POGLUT3: variants seen among roughly 807,000 people sequenced by gnomAD.
POGLUT3 encodes the protein protein O-glucosyltransferase 3.
In POGLUT3, 48 loss-of-function variants were observed where a neutral mutation model predicts 54.3. The observed-to-expected ratio is 0.88, with a 90% CI of 0.70 to 1.12. The LOEUF is 1.12. Among genes scored for constraint, POGLUT3 ranks in the 50% most tolerant of loss-of-function variants. The pLI is 0.00. For missense variants in POGLUT3, 629 were observed against 618.7 expected (o/e 1.02, Z -0.18); for synonymous variants, 218 against 237.4 (o/e 0.92, Z 0.75).
In POGLUT3 at chr11:108,491,185, A is replaced by G; in HGVS notation, c.203-18T>C. 6.4e-7 allele frequency: 1 copy of G among 1,563,552 alleles called. No individual in the cohort carries two copies. Among genetic ancestry groups the G allele is most frequent in the Non-Finnish European group, 8.8e-7 (1 of 1,134,954 alleles). On this transcript the variant is annotated intron_variant, in intron 1 of 7. Coordinates refer to ENST00000323468, the MANE Select transcript of POGLUT3 (RefSeq NM_153705.5). The stretch of plus-strand genomic sequence containing the variant: ...TGTTTCACCTAAAAGGAAAAGAAAT[A>G]TAAACAACTCTACCATGTCATGATA...
chr11:108,491,401 T>G lies in POGLUT3; in HGVS notation c.203-234A>C, dbSNP rs1273384572. ...ACAGGGTCTTGCTCTGTCATCCAGC[T>G]AGGAGTGCAGAGGCAGAATCCTAGC... On this transcript the variant is annotated intron_variant, in intron 1 of 7. Coordinates refer to ENST00000323468, the MANE Select transcript of POGLUT3 (RefSeq NM_153705.5). 3 of 591,574 alleles carry G rather than the reference T, an allele frequency of 5.1e-6. No individual in the cohort carries two copies. In the African/African-American group the frequency reaches 5.6e-5, roughly 11 times the overall value. The allele number at this position is 591,574 out of a possible 1,614,324, so 36.6% of individuals were successfully genotyped here.
chr11:108,490,144 G>A (rs975243617), intron 2 of POGLUT3, among the ~76,000 whole-genome samples: 2 of 152,166 alleles, frequency 1.3e-5, no homozygotes, highest in African/African-American at 4.8e-5. Context: ...CTCCCAAAGT[G>A]CTGGGATTAT....
At chr11:108,495,474 G>A (rs931062577) in intron 1 of POGLUT3, among the ~76,000 whole-genome samples, 5 of 152,178 alleles carry the variant, frequency 3.3e-5, no homozygotes, top group Admixed American at 2.6e-4. Context: ...CTATTCAGTT[G>A]GTTCTTGAAG....
chr11:108,478,170 A>G (rs2093585716), intron 6 of POGLUT3: 1 of 152,332 alleles, frequency 6.6e-6, no homozygotes, highest in Non-Finnish European at 1.5e-5. Flanking sequence ...ATAAATAAAT[A>G]AATAAACTAA....
intron 1 of POGLUT3, among the ~76,000 whole-genome samples, chr11:108,495,902 G>A (rs777976340): frequency 9.2e-5 from 14 of 152,044 alleles, no homozygotes; most frequent in Admixed American, 1.3e-4. Flanking sequence ...CAGATCACAG[G>A]GGTAAACCAT....
rs1823330721 is a variant in POGLUT3, at chr11:108,491,031, G to A, written c.339C>T (p.Gly113=). Residue 113 remains glycine (G), a synonymous_variant, in exon 2 of 8, where the codon GGC becomes GGT. Transcript: ENST00000323468. ...RYRMYETVDE[G]LKIEVLYGDE... is the part of the protein sequence containing the mutation. Reference sequence around the variant, plus strand: ...CACCATAAAGGACCTCTATCTTCAGGCCTTCATCGACAGTTTCATACATCC... The same window carrying A: ...CACCATAAAGGACCTCTATCTTCAGACCTTCATCGACAGTTTCATACATCC... 1.2e-6 allele frequency: 2 copies of A among 1,613,794 alleles called. No individual in the cohort carries two copies. Among genetic ancestry groups the A allele is most frequent in the East Asian group, 2.2e-5 (1 of 44,870 alleles).
At chr11:108,480,485 A>C (rs548852128) in intron 5 of POGLUT3, among the ~76,000 whole-genome samples, 33 of 152,354 alleles carry the variant, frequency 2.2e-4, no homozygotes, top group Non-Finnish European at 2.8e-4. Flanking sequence ...TGGTATTCAG[A>C]GAAATGTATA....
Position 108,486,295 on chromosome 11 carries a change from G to A in POGLUT3, c.546C>T (p.Val182=). 1.9e-6 allele frequency: 3 copies of A among 1,614,108 alleles called. No homozygotes were observed. The highest frequency in any genetic ancestry group is 1.6e-4 in the Middle Eastern group (1 of 6,062). Residue 182 remains valine, a synonymous_variant, in exon 3 of 8, where the codon GTC becomes GTT. Transcript: ENST00000323468. The part of the protein sequence containing the change: ...SINLQQMLKE[V]PKRFGDERGA... Reference sequence around the variant, plus strand: ...CTCTCTCATCCCCAAACCTTTTGGGGACTTCTTTTAGCATTTGCTGGAGAT... The same window carrying A: ...CTCTCTCATCCCCAAACCTTTTGGGAACTTCTTTTAGCATTTGCTGGAGAT...
chr11:108,486,137 CA>C lies in POGLUT3; in HGVS notation c.684+19del. 1 of 1,538,802 alleles carries C rather than the reference CA, an allele frequency of 6.5e-7. No individual in the cohort carries two copies. ...TACCTAAATAATTAAACTGTATTAT[CA>C]ATTCATTCATTCTCCTACCTTTCTT... On this transcript the variant is annotated intron_variant, in intron 3 of 7. Transcript: ENST00000323468.
intron 7 of POGLUT3, among the ~76,000 whole-genome samples, chr11:108,475,218 C>T (rs2093578349): frequency 6.6e-6 from 1 of 152,140 alleles, no homozygotes; most frequent in African/African-American, 2.4e-5. Flanking sequence ...GGATGCCAAG[C>T]CAGACGTCCC....
rs1043640132 is a variant in POGLUT3, at chr11:108,494,072, C to A, written c.203-2905G>T. On this transcript the variant is annotated intron_variant, in intron 1 of 7. Coordinates refer to ENST00000323468, the MANE Select transcript of POGLUT3 (RefSeq NM_153705.5). ...TATTTTCTATGTCATTTATTTCCTA[C>A]AAGAAATTTGAGGTAGGTATCTGTC... 3.3e-5 allele frequency among the ~76,000 whole-genome samples: 5 copies of A among 152,068 alleles called. No individual in the cohort carries two copies. In the South Asian group the frequency reaches 6.2e-4, roughly 19 times the overall value.
chr11:108,479,206 TC>T, intron 6 of POGLUT3, 94 bp downstream of exon 6: 1 of 804,170 alleles, frequency 1.2e-6, no homozygotes, highest in Non-Finnish European at 1.9e-6. Flanking sequence ...TTCTTTTCAT[TC>T]CATTATGTCA....
At chr11:108,477,447 A>C (rs2093584076) in intron 7 of POGLUT3, among the ~76,000 whole-genome samples, 160 bp downstream of exon 7, 1 of 152,070 alleles carries the variant, frequency 6.6e-6, no homozygotes, top group South Asian at 2.1e-4. Context: ...CACCAAATGA[A>C]GACTTAGCAC....
intron 4 of POGLUT3, 82 bp from the exon 5 acceptor site, chr11:108,481,458 A>C: frequency 1.8e-6 from 2 of 1,085,454 alleles, no homozygotes; most frequent in Non-Finnish European, 2.5e-6. Context: ...TTAATCTACC[A>C]TTGTCATTTA....
At chr11:108,481,068 C>G (rs947642856) in intron 5 of POGLUT3, 112 bp downstream of exon 5, 1 of 743,280 alleles carries the variant, frequency 1.3e-6, no homozygotes, top group Non-Finnish European at 2.3e-6. Flanking sequence ...AAAGTGTGAA[C>G]ATGTGTGTCA....
intron 1 of POGLUT3, 65 bp downstream of exon 1, chr11:108,498,100 C>G (rs997301554): frequency 3.6e-6 from 5 of 1,396,156 alleles, no homozygotes; most frequent in Admixed American, 6.2e-5. Flanking sequence ...CGGGCGGACT[C>G]CCGGGCGGCG....
At chr11:108,476,653 T>C (rs1458028072) in intron 7 of POGLUT3, among the ~76,000 whole-genome samples, 1 of 152,160 alleles carries the variant, frequency 6.6e-6, no homozygotes, top group Non-Finnish European at 1.5e-5. Context: ...AACAAGAACA[T>C]AATTTCCTTT....
chr11:108,485,075 T>C (rs2093600265), intron 3 of POGLUT3, among the ~76,000 whole-genome samples: 1 of 152,176 alleles, frequency 6.6e-6, no homozygotes, highest in Admixed American at 6.5e-5. Context: ...ACTGAGAGTC[T>C]GATTAGTGCA....
intron 1 of POGLUT3, among the ~76,000 whole-genome samples, chr11:108,494,995 A>G (rs1239692075): frequency 6.6e-6 from 1 of 152,214 alleles, no homozygotes; most frequent in Non-Finnish European, 1.5e-5. Context: ...CAAAGACCCT[A>G]TAATTTCTGT....
Sources: gnomAD v4.1 joint callset for allele counts (sites outside exome capture counted in the v4.1 genomes callset) on GRCh38, gnomAD v4.1.1 for gene constraint, MANE v1.5 for transcripts, NCBI Gene and HGNC (gene_info 2026-07-23, HGNC 2026-07-21) for gene names.